Variants in KIF20B observed in about 807,000 individuals in gnomAD.
KIF20B encodes kinesin-like protein KIF20B.
In KIF20B, 188 loss-of-function variants were observed where a neutral mutation model predicts 232.5. The observed-to-expected ratio is 0.81, with a 90% CI of 0.72 to 0.91. The LOEUF is 0.91. Among genes scored for constraint, KIF20B ranks in the 40% least tolerant of loss-of-function variants. KIF20B has a pLI of 0.00. For synonymous variants in KIF20B, 712 were observed against 683.0 expected, an observed-to-expected ratio of 1.04 and a Z score of -0.66; for missense variants, 2,154 against 2,055.9, an observed-to-expected ratio of 1.05 and a Z score of -0.92.
intron 9 of KIF20B, among the ~76,000 whole-genome samples, chr10:89,717,030 A>G (rs1842949439): frequency 6.6e-6 from 1 of 152,218 alleles, no homozygotes; most frequent in African/African-American, 2.4e-5. Context: ...TCAGTTGGGC[A>G]TGGGACAATA....
Position 89,758,761 on chromosome 10 carries a change from A to C in KIF20B, c.4559A>C (p.Glu1520Ala), listed in dbSNP as rs1195171569. The change falls in exon 27 of 33, where the codon GAA (glutamate) becomes GCA (alanine). Residue 1520 changes from glutamate (E) to alanine (A), a missense_variant. By Grantham distance (107) the Glu-to-Ala change is moderately radical (BLOSUM62 -1). Coordinates refer to ENST00000371728, the MANE Select transcript of KIF20B (RefSeq NM_001284259.2). ...EKDSDLQKWR[E>A]ERDQLVAALE... The stretch of plus-strand genomic sequence containing the variant: ...GATAGTGACCTTCAAAAGTGGCGAG[A>C]AGAACGAGATCAACTGGTTGCAGCT... 5.6e-6 allele frequency: 9 copies of C among 1,608,592 alleles called. No homozygotes were observed. Among genetic ancestry groups the C allele is most frequent in the Non-Finnish European group, 7.6e-6 (9 of 1,177,466 alleles).
intron 23 of KIF20B, among the ~76,000 whole-genome samples, chr10:89,750,364 G>A (rs753803556): frequency 3.9e-5 from 6 of 152,114 alleles, no homozygotes; most frequent in Non-Finnish European, 5.9e-5. Context: ...AGATTTATAT[G>A]ATAATATGAA....
At chr10:89,702,497 A>G (rs1842633188) in intron 1 of KIF20B, among the ~76,000 whole-genome samples, 1 of 152,366 alleles carries the variant, frequency 6.6e-6, no homozygotes, top group East Asian at 1.9e-4. Flanking sequence ...CCAAGACTCC[A>G]GATTTTAAAT....
At chr10:89,746,352 T>C (rs1385579403) in intron 23 of KIF20B, among the ~76,000 whole-genome samples, 2 of 152,096 alleles carry the variant, frequency 1.3e-5, no homozygotes, top group Non-Finnish European at 2.9e-5. Flanking sequence ...TGGAGTTAGC[T>C]CTCTGCAGAT....
At chr10:89,765,723 A>G (rs1466793922) in intron 29 of KIF20B, among the ~76,000 whole-genome samples, 2 of 152,100 alleles carry the variant, frequency 1.3e-5, no homozygotes, top group Admixed American at 1.3e-4. Flanking sequence ...CCTCAGAAAT[A>G]ACGTCTGTTA....
intron 19 of KIF20B, among the ~76,000 whole-genome samples, chr10:89,735,209 A>G (rs1841622953): frequency 6.6e-6 from 1 of 152,240 alleles, no homozygotes; most frequent in African/African-American, 2.4e-5. Context: ...AGAATAAATT[A>G]TTATTGCAAA....
chr10:89,768,357 A>G lies in KIF20B; in HGVS notation c.5057A>G (p.Asp1686Gly), dbSNP rs1842404865. Residue 1686 changes from aspartate (D) to glycine (G), a missense_variant, in exon 30 of 33, where the codon GAT becomes GGT. By Grantham distance (94) the Asp-to-Gly change is moderately conservative (BLOSUM62 -1). Transcript: ENST00000371728. ...ACTAATTTGAAATTTCCTATTTCAG[A>G]TGATAGAAATTCTTCTGTCAAAAAG... ...PRTNLKFPIS[D>G]DRNSSVKKEQ... 2 of 1,590,218 alleles carry G rather than the reference A, an allele frequency of 1.3e-6. No homozygotes were observed. The highest frequency in any genetic ancestry group is 8.6e-7 in the Non-Finnish European group (1 of 1,167,488).
chr10:89,751,517 A>T (rs758991061), intron 24 of KIF20B, 46 bp downstream of exon 24: 13 of 1,474,766 alleles, frequency 8.8e-6, no homozygotes, highest in Non-Finnish European at 1.2e-5. Flanking sequence ...TTTTTCATTT[A>T]AAAAAAAATT....
intron 26 of KIF20B, among the ~76,000 whole-genome samples, chr10:89,756,967 T>A (rs1244593927): frequency 6.6e-6 from 1 of 150,954 alleles, no homozygotes; most frequent in East Asian, 1.9e-4. Context: ...ATGAATAAAT[T>A]TTCCTATAAA....
rs771891678 is a variant in KIF20B, at chr10:89,726,295, AAC to A, written c.2008_2009del (p.His670Ter). ...ICATKVETEE[T>X]HNYVGFEDII... is the part of the protein sequence containing the mutation. The stretch of plus-strand genomic sequence containing the variant: ...CATGTGGTTTTTGCTATTTTTAGGA[AAC>A]ACATAATTATGTAGGATTTGAAGAT... On this transcript the variant is annotated frameshift_variant, in exon 16 of 33. Coordinates refer to ENST00000371728, the MANE Select transcript of KIF20B (RefSeq NM_001284259.2). LOFTEE classifies it high-confidence loss of function. 6.3e-5 allele frequency: 98 copies of A among 1,544,394 alleles called. 1 individual carries two copies. In the South Asian group the frequency reaches 1.1e-3, roughly 17 times the overall value.
chr10:89,753,983 A>G (rs949851767), intron 25 of KIF20B, among the ~76,000 whole-genome samples: 1 of 151,862 alleles, frequency 6.6e-6, no homozygotes, highest in Non-Finnish European at 1.5e-5. Flanking sequence ...TTTTTTATAT[A>G]TATTATTAAA....
In KIF20B at chr10:89,729,111, TTTTC is replaced by T; in HGVS notation, c.2272-14_2272-11del. The stretch of plus-strand genomic sequence containing the variant: ...TAAAGTATATTCATGAAACATTGCT[TTTTC>T]TTCTTTCCAAAGAAAATAATTACAC... On this transcript the variant is annotated splice_polypyrimidine_tract_variant and intron_variant, in intron 17 of 32. Coordinates refer to ENST00000371728, the MANE Select transcript of KIF20B (RefSeq NM_001284259.2). The T allele has an allele frequency of 7.3e-7, 1 of 1,368,230 alleles. No homozygotes were observed. The highest frequency in any genetic ancestry group is 9.8e-7 in the Non-Finnish European group (1 of 1,023,954). The allele number at this position is 1,368,230 out of a possible 1,614,324, so 84.8% of individuals were successfully genotyped here.
At position 89,719,595 on chromosome 10, in the gene KIF20B, G is replaced by A. The variant is rs1474030069; in HGVS notation, c.1611G>A (p.Glu537=). 1 of 1,613,396 alleles carries A rather than the reference G, an allele frequency of 6.2e-7. No homozygotes were observed. ...TGATGGAAGACGAGGATTTGGTTGA[G>A]GAGCTAGAAAACGCTGAAGAAACTC... ...EDLMEDEDLV[E]ELENAEETQN... Residue 537 remains glutamate, a synonymous_variant, in exon 13 of 33, where the codon GAG becomes GAA. Coordinates refer to ENST00000371728, the MANE Select transcript of KIF20B (RefSeq NM_001284259.2).
At chr10:89,768,916 T>G in intron 31 of KIF20B, 28 bp downstream of exon 31, 2 of 1,559,462 alleles carry the variant, frequency 1.3e-6, no homozygotes, top group Non-Finnish European at 1.7e-6. Context: ...TAAATGACCT[T>G]TTTTTGTTAG....
chr10:89,702,656 G>T (rs868297434), intron 1 of KIF20B, among the ~76,000 whole-genome samples: 1 of 152,028 alleles, frequency 6.6e-6, no homozygotes, highest in East Asian at 1.9e-4. Flanking sequence ...TTGGAGAGAG[G>T]GTAAATATGC....
intron 28 of KIF20B, among the ~76,000 whole-genome samples, 195 bp from the exon 29 acceptor site, chr10:89,762,443 C>T (rs1478395359): frequency 1.3e-5 from 2 of 152,090 alleles, no homozygotes; most frequent in Admixed American, 6.6e-5. Context: ...CGATGTTACC[C>T]CTAATTTTAA....
At chr10:89,704,170 T>C (rs1842674228) in intron 1 of KIF20B, among the ~76,000 whole-genome samples, 1 of 152,204 alleles carries the variant, frequency 6.6e-6, no homozygotes, top group Admixed American at 6.5e-5. Flanking sequence ...AAGGGCCATC[T>C]TTGGTTCATT....
intron 1 of KIF20B, among the ~76,000 whole-genome samples, chr10:89,704,220 T>G (rs1286451975): frequency 6.6e-6 from 1 of 152,152 alleles, no homozygotes; most frequent in South Asian, 2.1e-4. Flanking sequence ...ACTACTTTCT[T>G]GAGCTAGGAA....
chr10:89,736,140 A>G (rs1407102775), intron 19 of KIF20B, among the ~76,000 whole-genome samples: 2 of 152,210 alleles, frequency 1.3e-5, no homozygotes, highest in Non-Finnish European at 2.9e-5. Flanking sequence ...TCTACTTGCA[A>G]ACATCATATA....
Sources: gnomAD v4.1 joint callset for allele counts (sites outside exome capture counted in the v4.1 genomes callset) on GRCh38, gnomAD v4.1.1 for gene constraint, MANE v1.5 for transcripts, NCBI Gene and HGNC (gene_info 2026-07-23, HGNC 2026-07-21) for gene names.